The following SGIP1 variants were observed in gnomAD, a reference collection of about 807,000 sequenced individuals.
SGIP1 encodes SH3GL interacting endocytic adaptor 1.
In SGIP1, 38 loss-of-function variants were observed where a neutral mutation model predicts 107.5. That is an observed-to-expected ratio of 0.35 (90% CI 0.27 to 0.46). The LOEUF is 0.46. Ranked by LOEUF, SGIP1 falls within the 20% of genes least tolerant of loss-of-function variation. The pLI, the probability that SGIP1 is intolerant of heterozygous loss-of-function variation, is 1.00. For synonymous variants in SGIP1, 365 were observed against 366.1 expected (o/e 1.00, Z 0.03); for missense variants, 929 against 1,019.5 (o/e 0.91, Z 1.21).
intron 8 of SGIP1, chr1:66,665,838 T>C (rs1366530085): frequency 6.6e-6 from 1 of 152,234 alleles, no homozygotes; most frequent in Non-Finnish European, 1.5e-5. Context: ...TTCTTGTAAA[T>C]TTGTGTAAGT....
chr1:66,725,522 A>G (rs910621728), intron 19 of SGIP1, among the ~76,000 whole-genome samples: 1 of 152,256 alleles, frequency 6.6e-6, no homozygotes, highest in African/African-American at 2.4e-5. Context: ...AGGAAATCAT[A>G]AAGAAGCTCA....
chr1:66,691,307 T>C (rs1181846881), intron 17 of SGIP1, among the ~76,000 whole-genome samples: 2 of 152,224 alleles, frequency 1.3e-5, no homozygotes, highest in Non-Finnish European at 2.9e-5. Flanking sequence ...AGTAGCTTGA[T>C]CAAAGCCTGA....
At position 66,703,762 on chromosome 1, in the gene SGIP1, T is replaced by C. The variant is rs1174727077; in HGVS notation, c.1630+8269T>C. 2.0e-5 allele frequency among the ~76,000 whole-genome samples: 3 copies of C among 151,368 alleles called. No homozygotes were observed. In the East Asian group the frequency reaches 5.8e-4, roughly 29 times the overall value. ...ACAGTATGATATATATCATAGGTTT[T>C]CATATATGATATATAATGTTTTTGT... On this transcript the variant is annotated intron_variant, in intron 18 of 24. Transcript: ENST00000371037.
intron 21 of SGIP1, among the ~76,000 whole-genome samples, chr1:66,736,810 G>A (rs994399036): frequency 6.6e-6 from 1 of 151,858 alleles, no homozygotes; most frequent in Non-Finnish European, 1.5e-5. Context: ...TCTCAAGGGA[G>A]TCTATGCATC....
chr1:66,704,920 T>C (rs1411072239), intron 18 of SGIP1, among the ~76,000 whole-genome samples: 4 of 152,196 alleles, frequency 2.6e-5, no homozygotes, highest in Admixed American at 6.5e-5. Flanking sequence ...TAAAGTACTA[T>C]TCAAAAGTAA....
At chr1:66,696,362 A>G (rs2090921672) in intron 18 of SGIP1, among the ~76,000 whole-genome samples, 1 of 152,214 alleles carries the variant, frequency 6.6e-6, no homozygotes, top group African/African-American at 2.4e-5. Context: ...AGGATTTTAA[A>G]TAGCTACATT....
At chr1:66,710,144 C>A (rs1264512061) in intron 18 of SGIP1, among the ~76,000 whole-genome samples, 1 of 151,980 alleles carries the variant, frequency 6.6e-6, no homozygotes, top group Non-Finnish European at 1.5e-5. Context: ...AAAGTTTTTG[C>A]TATCATAAAA....
At chr1:66,619,636 G>A (rs905434127) in intron 1 of SGIP1, among the ~76,000 whole-genome samples, 2 of 152,218 alleles carry the variant, frequency 1.3e-5, no homozygotes, top group African/African-American at 2.4e-5. Flanking sequence ...GCTAGCAATG[G>A]AATGGCAGGA....
At chr1:66,715,585 A>G (rs1244916840) in intron 18 of SGIP1, among the ~76,000 whole-genome samples, 1 of 152,114 alleles carries the variant, frequency 6.6e-6, no homozygotes, top group Non-Finnish European at 1.5e-5. Context: ...GTGTGTTCCA[A>G]TTGCCATCTG....
intron 9 of SGIP1, among the ~76,000 whole-genome samples, chr1:66,668,746 T>C (rs1169357394): frequency 6.6e-6 from 1 of 152,234 alleles, no homozygotes; most frequent in African/African-American, 2.4e-5. Flanking sequence ...AGACTGCTAA[T>C]CTACGGATGA....
chr1:66,705,857 C>T (rs1359693556), intron 18 of SGIP1, among the ~76,000 whole-genome samples: 1 of 152,038 alleles, frequency 6.6e-6, no homozygotes, highest in Non-Finnish European at 1.5e-5. Flanking sequence ...ACAACACACA[C>T]TGGGGCCTGT....
chr1:66,750,094 T>C lies in SGIP1; in HGVS notation c.*6999T>C, dbSNP rs1268676991. Among the ~76,000 whole-genome samples the C allele has an allele frequency of 2.6e-5, 4 of 151,454 alleles. No homozygotes were observed. Among genetic ancestry groups the C allele is most frequent in the Non-Finnish European group, 4.4e-5 (3 of 67,836 alleles). Reference sequence around the variant, plus strand: ...CTCTTTCCTCTCTGTCTAAGGGGAATTGGAAAATTGCTGCTGAATAATTTT... The same window carrying C: ...CTCTTTCCTCTCTGTCTAAGGGGAACTGGAAAATTGCTGCTGAATAATTTT... On this transcript the variant is annotated 3_prime_UTR_variant, in exon 25 of 25. Transcript: ENST00000371037.
chr1:66,601,344 GAC>G (rs1047731943), intron 1 of SGIP1, among the ~76,000 whole-genome samples: 5 of 152,076 alleles, frequency 3.3e-5, no homozygotes, highest in Non-Finnish European at 7.4e-5. Flanking sequence ...CAGCCTGGGC[GAC>G]ACAGAGAGAC....
At chr1:66,561,731 C>T (rs1441202738) in intron 1 of SGIP1, among the ~76,000 whole-genome samples, 1 of 151,964 alleles carries the variant, frequency 6.6e-6, no homozygotes, top group Non-Finnish European at 1.5e-5. Context: ...CTCTCTTGCC[C>T]CTCAAGTACT....
intron 1 of SGIP1, among the ~76,000 whole-genome samples, chr1:66,564,777 T>G (rs895821702): frequency 6.6e-6 from 1 of 151,944 alleles, no homozygotes; most frequent in Non-Finnish European, 1.5e-5. Context: ...ATCTGTGGGC[T>G]TTTAGGGTAG....
At chr1:66,596,397 C>T (rs1434701906) in intron 1 of SGIP1, among the ~76,000 whole-genome samples, 2 of 152,000 alleles carry the variant, frequency 1.3e-5, no homozygotes, top group Non-Finnish European at 2.9e-5. Flanking sequence ...CTTTTATGGG[C>T]TCAGAATGGG....
chr1:66,725,467 A>C (rs376419414), intron 19 of SGIP1, among the ~76,000 whole-genome samples: 1 of 152,324 alleles, frequency 6.6e-6, no homozygotes, highest in East Asian at 1.9e-4. Context: ...TACATACCTG[A>C]ACTTAGAGGT....
rs560661031 is a variant in SGIP1 at position 66,702,243 on chromosome 1, A to C, written c.1630+6750A>C. 4.6e-5 allele frequency among the ~76,000 whole-genome samples: 7 copies of C among 152,322 alleles called. No homozygotes were observed. The South Asian group carries it at 8.3e-4, about 18-fold the overall frequency. On this transcript the variant is annotated intron_variant, in intron 18 of 24. Coordinates refer to ENST00000371037, the MANE Select transcript of SGIP1 (RefSeq NM_032291.4). ...AGATTACACAGCTAGTTGGTGGTTAAATCAGTTAGAGGGGAGTTATTGATA... is the reference window on the plus strand; with the variant it reads ...AGATTACACAGCTAGTTGGTGGTTACATCAGTTAGAGGGGAGTTATTGATA...
chr1:66,714,324 C>A (rs2093104489), intron 18 of SGIP1, among the ~76,000 whole-genome samples: 1 of 152,068 alleles, frequency 6.6e-6, no homozygotes, highest in Admixed American at 6.6e-5. Context: ...GTCCAGGTTT[C>A]CTTTATTAAA....
Sources: gnomAD v4.1 joint callset for allele counts (sites outside exome capture counted in the v4.1 genomes callset) on GRCh38, gnomAD v4.1.1 for gene constraint, MANE v1.5 for transcripts, NCBI Gene and HGNC (gene_info 2026-07-23, HGNC 2026-07-21) for gene names.